The following DCUN1D5 variants were observed in gnomAD, a reference collection of about 807,000 sequenced individuals.
DCUN1D5 encodes DCN1-like protein 5.
DCUN1D5 carries 10 observed loss-of-function variants against 38.3 expected under a neutral mutation model. That is an observed-to-expected ratio of 0.26 (90% CI 0.16 to 0.44). The LOEUF is 0.44. Among genes scored for constraint, DCUN1D5 ranks in the 20% least tolerant of loss-of-function variants. The probability of loss-of-function intolerance (pLI) is 1.00; values close to 1 mark genes in which losing one functional copy is unlikely to be tolerated. For synonymous variants in DCUN1D5, 93 were observed against 90.9 expected, an observed-to-expected ratio of 1.02 and a Z score of -0.13; for missense variants, 148 against 275.3, an observed-to-expected ratio of 0.54 and a Z score of 3.27.
Position 103,062,580 on chromosome 11 carries a change from T to C in DCUN1D5, c.659-166A>G, listed in dbSNP as rs1862040399. Among the ~76,000 whole-genome samples the C allele has an allele frequency of 6.6e-6, 1 of 152,090 alleles. No individual in the cohort carries two copies. Among genetic ancestry groups the C allele is most frequent in the South Asian group, 2.1e-4 (1 of 4,826 alleles). On this transcript the variant is annotated intron_variant, in intron 7 of 7. Coordinates refer to ENST00000260247, the MANE Select transcript of DCUN1D5 (RefSeq NM_032299.4). This position sits in a 1 kb window ranked among gnomAD's most constrained non-coding sequence, Gnocchi z 4.6. ...ATTTAATGGTGCTTTCTTATTAGCC[T>C]TTTCTTTTTTGCCCTTAAAGACACA...
chr11:103,075,847 A>T (rs1862395283), intron 4 of DCUN1D5, among the ~76,000 whole-genome samples: 1 of 152,226 alleles, frequency 6.6e-6, no homozygotes, highest in Non-Finnish European at 1.5e-5. Context: ...AAACAAGAAA[A>T]ATTTATTCTT....
intron 4 of DCUN1D5, among the ~76,000 whole-genome samples, chr11:103,080,539 A>C (rs181714766): frequency 2.6e-5 from 4 of 152,340 alleles, no homozygotes; most frequent in Admixed American, 1.3e-4. Context: ...CAGGTCAAGA[A>C]TGCTCACTTC....
At position 103,052,437 on chromosome 11, in the gene DCUN1D5, CAAGT is replaced by C. The variant is rs895177408; in HGVS notation, c.*9918_*9921del. The C allele has an allele frequency of 2.6e-5, 4 of 152,110 alleles. No homozygotes were observed. The highest frequency in any genetic ancestry group is 9.7e-5 in the African/African-American group (4 of 41,424). 9.4% of individuals were successfully genotyped at this position (152,110 alleles called of 1,614,324 possible). ...TTAAATACCTATTATGTGGTGGAAA[CAAGT>C]GAGGAACACCTATGAATAACATGGT... On this transcript the variant is annotated 3_prime_UTR_variant, in exon 8 of 8. Coordinates refer to ENST00000260247, the MANE Select transcript of DCUN1D5 (RefSeq NM_032299.4).
chr11:103,080,414 T>C (rs1862529035), intron 4 of DCUN1D5, among the ~76,000 whole-genome samples: 1 of 152,198 alleles, frequency 6.6e-6, no homozygotes. Flanking sequence ...GTTTTATTCA[T>C]AGCAAGTTTT....
chr11:103,060,110 T>C lies in DCUN1D5; in HGVS notation c.*2249A>G, dbSNP rs1861976127. Among the ~76,000 whole-genome samples the C allele has an allele frequency of 6.6e-6, 1 of 152,136 alleles. No homozygotes were observed. The highest frequency in any genetic ancestry group is 2.4e-5 in the African/African-American group (1 of 41,430). On this transcript the variant is annotated 3_prime_UTR_variant, in exon 8 of 8. Coordinates refer to ENST00000260247, the MANE Select transcript of DCUN1D5 (RefSeq NM_032299.4). ...ACAGGAAGGGACACAGCCCACACCC[T>C]GACTGATGAATTAGGCAGAGTAAAT...
At chr11:103,068,084 A>T (rs1471455111) in intron 4 of DCUN1D5, among the ~76,000 whole-genome samples, 2 of 152,128 alleles carry the variant, frequency 1.3e-5, no homozygotes, top group Admixed American at 1.3e-4. Context: ...TTTTCTCATA[A>T]CTGATTATTT....
intron 2 of DCUN1D5, 87 bp downstream of exon 2, chr11:103,089,140 G>T: frequency 7.6e-7 from 1 of 1,309,000 alleles, no homozygotes; most frequent in Non-Finnish European, 1.1e-6. Flanking sequence ...CACATAGCAG[G>T]CCTGTAACAG....
chr11:103,062,933 G>T lies in DCUN1D5; in HGVS notation c.659-519C>A, dbSNP rs930724958. 6.6e-6 allele frequency among the ~76,000 whole-genome samples: 1 copy of T among 152,014 alleles called. No individual in the cohort carries two copies. The highest frequency in any genetic ancestry group is 1.5e-5 in the Non-Finnish European group (1 of 67,940). ...TAAAACATATATTTTTATAACGTAG[G>T]GGAGGTCCAAACTCATTTGCTGACA... On this transcript the variant is annotated intron_variant, in intron 7 of 7. Coordinates refer to ENST00000260247, the MANE Select transcript of DCUN1D5 (RefSeq NM_032299.4). This position sits in a 1 kb window ranked among gnomAD's most constrained non-coding sequence, Gnocchi z 4.6.
rs1565276948 is a variant in DCUN1D5 at position 103,051,500 on chromosome 11, T to TCCCCCCCCCCCCCC, written c.*10858_*10859insGGGGGGGGGGGGGG. 4.3e-5 allele frequency: 1 copy of TCCCCCCCCCCCCCC among 23,324 alleles called. No homozygotes were observed. The highest frequency in any genetic ancestry group is 1.5e-4 in the African/African-American group (1 of 6,836). 1.4% of individuals were successfully genotyped at this position (23,324 alleles called of 1,614,324 possible). A position where few individuals can be genotyped will look rare whatever the true frequency, so the allele number is the denominator to read the frequency against. ...AGATTTGGTGGCTTCACATATTTAC[T>TCCCCCCCCCCCCCC]TCCCCCCCCCCCCCGCCACCCCTGT... On this transcript the variant is annotated 3_prime_UTR_variant, in exon 8 of 8. Coordinates refer to ENST00000260247, the MANE Select transcript of DCUN1D5 (RefSeq NM_032299.4).
rs111450480 is a variant in DCUN1D5, at chr11:103,078,057, C to T, written c.341+4691G>A. ...GTTCCCTATTCCCCTCTCGCTAAGA[C>T]GGTCAAGCCATGCCATTCCTTTTAC... On this transcript the variant is annotated intron_variant, in intron 4 of 7. Coordinates refer to ENST00000260247, the MANE Select transcript of DCUN1D5 (RefSeq NM_032299.4). This position sits in a 1 kb window ranked among gnomAD's most constrained non-coding sequence, Gnocchi z 4.6. 1.2e-3 allele frequency among the ~76,000 whole-genome samples: 183 copies of T among 152,200 alleles called. 2 individuals are homozygous for T. Among genetic ancestry groups the T allele is most frequent in the African/African-American group, 4.1e-3 (170 of 41,522 alleles).
At chr11:103,079,775 C>T (rs916264177) in intron 4 of DCUN1D5, 16 of 141,254 alleles carry the variant, frequency 1.1e-4, no homozygotes, top group Non-Finnish European at 3.0e-5. Flanking sequence ...AGAGCCAGAC[C>T]CTGTCTCAAA....
At chr11:103,089,192 A>G (rs1862788959) in intron 2 of DCUN1D5, 35 bp downstream of exon 2, 1 of 1,593,934 alleles carries the variant, frequency 6.3e-7, no homozygotes. Context: ...TTTTTAAAGC[A>G]TATGACTAGT....
Position 103,091,774 on chromosome 11 carries a change from G to A in DCUN1D5, c.86+13C>T. On this transcript the variant is annotated intron_variant, in intron 1 of 7. Coordinates refer to ENST00000260247, the MANE Select transcript of DCUN1D5 (RefSeq NM_032299.4). This position sits in a 1 kb window ranked among gnomAD's most constrained non-coding sequence, Gnocchi z 4.3. The stretch of plus-strand genomic sequence containing the variant: ...GGGAGGAGGGAAGCTTGAAGGGTGG[G>A]GGGAGATGGTACCTGGAGATTTTAC... The A allele has an allele frequency of 6.2e-7, 1 of 1,614,018 alleles. No individual in the cohort carries two copies. The highest frequency in any genetic ancestry group is 8.5e-7 in the Non-Finnish European group (1 of 1,179,926).
chr11:103,083,459 A>T lies in DCUN1D5; in HGVS notation c.179-133T>A, dbSNP rs543629821. On this transcript the variant is annotated intron_variant, in intron 2 of 7. Transcript: ENST00000260247. This position sits in a 1 kb window ranked among gnomAD's most constrained non-coding sequence, Gnocchi z 4.4. Reference sequence around the variant, plus strand: ...AAATTTGAATTTTGGCATAGCTTTGATAAGTATAAATATTTGCTACAGGAT... The same window carrying T: ...AAATTTGAATTTTGGCATAGCTTTGTTAAGTATAAATATTTGCTACAGGAT... 67 of 535,288 alleles carry T rather than the reference A, an allele frequency of 1.3e-4. 2 individuals are homozygous for T. The South Asian group carries it at 2.0e-3, about 16-fold the overall frequency. 33.2% of individuals were successfully genotyped at this position (535,288 alleles called of 1,614,324 possible).
chr11:103,054,535 T>C lies in DCUN1D5; in HGVS notation c.*7824A>G, dbSNP rs1861825766. 1 of 152,116 alleles carries C rather than the reference T, an allele frequency of 6.6e-6. No homozygotes were observed. Among genetic ancestry groups the C allele is most frequent in the African/African-American group, 2.4e-5 (1 of 41,418 alleles). 9.4% of individuals were successfully genotyped at this position (152,116 alleles called of 1,614,324 possible). On this transcript the variant is annotated 3_prime_UTR_variant, in exon 8 of 8. Transcript: ENST00000260247. ...ATTTAAATAGATACAGCACAAGATATTAAGTGCTGTAAGATGCTACAACAA... is the reference window on the plus strand; with the variant it reads ...ATTTAAATAGATACAGCACAAGATACTAAGTGCTGTAAGATGCTACAACAA...
At position 103,092,102 on chromosome 11, in the gene DCUN1D5, C is replaced by T. The variant is rs1380357168; in HGVS notation, c.-230G>A. On this transcript the variant is annotated 5_prime_UTR_variant, in exon 1 of 8. Transcript: ENST00000260247. ...CTCCTCGCCGGTGGACACTGCGGTT[C>T]GTTCTCACCGGGAGGAGATAACGCG... 3.9e-6 allele frequency: 2 copies of T among 513,034 alleles called. No individual in the cohort carries two copies. Among genetic ancestry groups the T allele is most frequent in the Middle Eastern group, 5.1e-4 (1 of 1,974 alleles). 31.8% of individuals were successfully genotyped at this position (513,034 alleles called of 1,614,324 possible). A position where few individuals can be genotyped will look rare whatever the true frequency, so the allele number is the denominator to read the frequency against.
Position 103,070,856 on chromosome 11 carries a change from T to A in DCUN1D5, c.342-4289A>T, listed in dbSNP as rs80168973. ...CTTAACAGAGTAAAAATAACTGAAA[T>A]AAAAAAGAATGTGTTCTCTGACAAC... On this transcript the variant is annotated intron_variant, in intron 4 of 7. Transcript: ENST00000260247. Among the ~76,000 whole-genome samples the A allele has an allele frequency of 4.8e-3, 725 of 151,736 alleles. 12 individuals are homozygous for A. The East Asian group carries it at 0.061, about 13-fold the overall frequency.
Position 103,071,473 on chromosome 11 carries a change from TA to T in DCUN1D5, c.342-4907del, listed in dbSNP as rs1347092224. Among the ~76,000 whole-genome samples the T allele has an allele frequency of 1.3e-5, 2 of 151,044 alleles. No individual in the cohort carries two copies. The highest frequency in any genetic ancestry group is 1.3e-4 in the Admixed American group (2 of 15,112). On this transcript the variant is annotated intron_variant, in intron 4 of 7. Coordinates refer to ENST00000260247, the MANE Select transcript of DCUN1D5 (RefSeq NM_032299.4). This position sits in a 1 kb window ranked among gnomAD's most constrained non-coding sequence, Gnocchi z 4.1. ...ATTTTTCTACACATATAAAGATTTT[TA>T]TACAGGTATAATCTATATATAATTT...
intron 2 of DCUN1D5, among the ~76,000 whole-genome samples, chr11:103,084,051 G>A (rs979716197): frequency 1.3e-5 from 2 of 151,928 alleles, no homozygotes; most frequent in Non-Finnish European, 2.9e-5. Flanking sequence ...TACACCCTTA[G>A]CAACATTAAT....
Sources: gnomAD v4.1 joint callset for allele counts (sites outside exome capture counted in the v4.1 genomes callset) on GRCh38, gnomAD v4.1.1 for gene constraint, Gnocchi (gnomAD v3.1) non-coding constraint, MANE v1.5 for transcripts, NCBI Gene and HGNC (gene_info 2026-07-23, HGNC 2026-07-21) for gene names.